Variants in ROBO2 observed in about 807,000 individuals in gnomAD.
The protein encoded by ROBO2 is roundabout guidance receptor 2.
In ROBO2, 53 loss-of-function variants were observed where a neutral mutation model predicts 160.8. The observed-to-expected ratio is 0.33, with a 90% CI of 0.26 to 0.41. The LOEUF (loss-of-function observed/expected upper bound fraction) is 0.41, where lower values mean the gene tolerates loss of function less well. Among genes scored for constraint, ROBO2 ranks in the 10% least tolerant of loss-of-function variants. ROBO2 has a pLI of 1.00. For synonymous variants in ROBO2, 664 were observed against 611.7 expected (o/e 1.09, Z -1.26); for missense variants, 1,577 against 1,722.4 (o/e 0.92, Z 1.49).
chr3:77,129,358 C>T (rs772576186), intron 2 of ROBO2, among the ~76,000 whole-genome samples: 1 of 152,106 alleles, frequency 6.6e-6, no homozygotes, highest in African/African-American at 2.4e-5. Context: ...TAGGCTCAAA[C>T]ACATCTTTAT....
chr3:77,384,170 T>G (rs899619625), intron 2 of ROBO2, among the ~76,000 whole-genome samples: 2 of 152,198 alleles, frequency 1.3e-5, no homozygotes, highest in Non-Finnish European at 1.5e-5. Flanking sequence ...TGGAGACTAG[T>G]GCTCAATTAT....
At chr3:77,060,922 C>T (rs1452898933) in intron 1 of ROBO2, among the ~76,000 whole-genome samples, 1 of 151,902 alleles carries the variant, frequency 6.6e-6, no homozygotes, top group Non-Finnish European at 1.5e-5. Context: ...ACCAGCAACC[C>T]AGGAAAACCT....
chr3:76,804,262 T>C (rs1461044772), intron 2 of ROBO2, among the ~76,000 whole-genome samples: 1 of 152,176 alleles, frequency 6.6e-6, no homozygotes, highest in Non-Finnish European at 1.5e-5. Context: ...AGAGATAGTT[T>C]GATCTTAGAC....
chr3:76,086,520 C>T (rs1037751048), intron 2 of ROBO2, among the ~76,000 whole-genome samples: 18 of 152,146 alleles, frequency 1.2e-4, no homozygotes, highest in Middle Eastern at 3.4e-3. Context: ...GTTCATAGTC[C>T]GAAGTCACAG....
intron 2 of ROBO2, among the ~76,000 whole-genome samples, chr3:77,368,731 A>G (rs924909164): frequency 1.3e-5 from 2 of 152,194 alleles, no homozygotes; most frequent in African/African-American, 4.8e-5. Flanking sequence ...TGATATTCTC[A>G]GTACATTTAG....
intron 2 of ROBO2, among the ~76,000 whole-genome samples, chr3:76,729,342 G>A (rs1437920594): frequency 2.0e-5 from 3 of 151,812 alleles, no homozygotes; most frequent in Admixed American, 1.3e-4. Context: ...ACTAGAAATT[G>A]ACTCTGAAAA....
At chr3:75,911,701 GCGCA>G (rs1946596107) in intron 1 of ROBO2, among the ~76,000 whole-genome samples, 1 of 151,528 alleles carries the variant, frequency 6.6e-6, no homozygotes, top group African/African-American at 2.4e-5. Flanking sequence ...GGGACTACAG[GCGCA>G]CGCCACCATG....
intron 2 of ROBO2, among the ~76,000 whole-genome samples, chr3:76,890,762 T>A (rs547127352): frequency 1.3e-4 from 20 of 152,300 alleles, no homozygotes; most frequent in African/African-American, 4.8e-4. Flanking sequence ...TGTGTTATCT[T>A]AGCAGACACT....
intron 1 of ROBO2, among the ~76,000 whole-genome samples, chr3:77,071,040 A>G (rs954013482): frequency 3.3e-5 from 5 of 152,286 alleles, no homozygotes; most frequent in Middle Eastern, 6.8e-3. Flanking sequence ...ATATATTTAT[A>G]TGAGTACCAG....
intron 2 of ROBO2, among the ~76,000 whole-genome samples, chr3:76,051,626 A>G (rs997505656): frequency 6.6e-6 from 1 of 152,114 alleles, no homozygotes; most frequent in Non-Finnish European, 1.5e-5. Context: ...GGGGCTTTAC[A>G]AATAATACAT....
intron 2 of ROBO2, among the ~76,000 whole-genome samples, chr3:76,603,071 C>T (rs563526071): frequency 2.0e-5 from 3 of 151,852 alleles, no homozygotes; most frequent in Non-Finnish European, 4.4e-5. Flanking sequence ...GTGGCTCACG[C>T]CTGTAATCTC....
intron 2 of ROBO2, among the ~76,000 whole-genome samples, chr3:76,854,824 A>C (rs2069866026): frequency 6.6e-6 from 1 of 152,148 alleles, no homozygotes; most frequent in African/African-American, 2.4e-5. Context: ...AAGAGAAAAA[A>C]ATTTTCTTCA....
At chr3:76,866,834 A>C (rs1424801832) in intron 2 of ROBO2, among the ~76,000 whole-genome samples, 1 of 151,930 alleles carries the variant, frequency 6.6e-6, no homozygotes, top group African/African-American at 2.4e-5. Context: ...CATAATCCAC[A>C]CTCGCTGTAA....
intron 2 of ROBO2, among the ~76,000 whole-genome samples, chr3:76,007,924 G>C (rs1030307904): frequency 6.6e-5 from 10 of 151,962 alleles, no homozygotes; most frequent in African/African-American, 2.4e-4. Context: ...GAAAGATACT[G>C]CAATGTGTCA....
chr3:77,255,599 A>C (rs1467468471), intron 2 of ROBO2, among the ~76,000 whole-genome samples: 2 of 152,236 alleles, frequency 1.3e-5, no homozygotes, highest in Non-Finnish European at 2.9e-5. Context: ...TGGAGTTACT[A>C]TCCAAATTCC....
rs573235071 is a variant in ROBO2, at chr3:75,939,365, C to G, written c.109+1763C>G. 4.1e-4 allele frequency among the ~76,000 whole-genome samples: 63 copies of G among 152,220 alleles called. 1 individual carries two copies. Among genetic ancestry groups the G allele is most frequent in the African/African-American group, 1.5e-3 (62 of 41,544 alleles). On this transcript the variant is annotated intron_variant, in intron 2 of 26. Coordinates refer to the ROBO2 transcript ENST00000487694. ...AATATTTGAGAAAAATAGGTATCTTCTCTCTTATTTACCCAAACCCTTTTA... is the reference window on the plus strand; with the variant it reads ...AATATTTGAGAAAAATAGGTATCTTGTCTCTTATTTACCCAAACCCTTTTA...
chr3:76,577,956 C>G (rs1036902162), intron 2 of ROBO2, among the ~76,000 whole-genome samples: 5 of 152,136 alleles, frequency 3.3e-5, no homozygotes, highest in Non-Finnish European at 5.9e-5. Flanking sequence ...CCTTCCCATG[C>G]ACTTCATCTG....
intron 2 of ROBO2, among the ~76,000 whole-genome samples, chr3:75,991,464 G>T (rs962226068): frequency 6.6e-6 from 1 of 152,110 alleles, no homozygotes; most frequent in African/African-American, 2.4e-5. Flanking sequence ...CTCTCTCTTT[G>T]CCTGTTGCCA....
At chr3:75,961,746 A>T (rs1206819806) in intron 2 of ROBO2, among the ~76,000 whole-genome samples, 4 of 151,710 alleles carry the variant, frequency 2.6e-5, no homozygotes, top group African/African-American at 9.7e-5. Flanking sequence ...AACAAAAAAT[A>T]TTGTATTAAA....
Sources: allele counts gnomAD v4.1 joint callset (sites outside exome capture counted in the v4.1 genomes callset), GRCh38; gene constraint gnomAD v4.1.1; transcripts MANE v1.5; gene names NCBI Gene and HGNC (gene_info 2026-07-23, HGNC 2026-07-21).